SEMA6A: variants seen among roughly 807,000 people sequenced by gnomAD.
SEMA6A encodes semaphorin 6A.
Under a neutral mutation model 96.8 loss-of-function variants are expected in SEMA6A, and 25 were observed. That is an observed-to-expected ratio of 0.26 (90% CI 0.19 to 0.36). The LOEUF (loss-of-function observed/expected upper bound fraction) is 0.36. SEMA6A is among the 10% of genes least tolerant of loss of function. SEMA6A has a pLI of 1.00. For missense variants in SEMA6A, 1,363 were observed against 1,323.1 expected (o/e 1.03, Z -0.47); for synonymous variants, 612 against 518.0 (o/e 1.18, Z -2.46).
At chr5:116,503,045 C>G (rs1440465364) in intron 2 of SEMA6A, among the ~76,000 whole-genome samples, 1 of 152,218 alleles carries the variant, frequency 6.6e-6, no homozygotes, top group Non-Finnish European at 1.5e-5. Context: ...TCCTACACTT[C>G]TCTTTGGCTG....
intron 1 of SEMA6A, among the ~76,000 whole-genome samples, chr5:116,516,613 G>C (rs1196270259): frequency 2.0e-5 from 3 of 152,146 alleles, no homozygotes; most frequent in African/African-American, 7.2e-5. Flanking sequence ...TCCAAAGGCA[G>C]TTTATCAGTT....
intron 1 of SEMA6A, among the ~76,000 whole-genome samples, chr5:116,544,298 T>A (rs1760095418): frequency 6.6e-6 from 1 of 151,912 alleles, no homozygotes; most frequent in South Asian, 2.1e-4. Flanking sequence ...TGTTTGTTTG[T>A]TTGTTTTGGA....
intron 1 of SEMA6A, among the ~76,000 whole-genome samples, chr5:116,532,912 G>A (rs1292132252): frequency 6.6e-6 from 1 of 152,124 alleles, no homozygotes; most frequent in African/African-American, 2.4e-5. Context: ...CATTAACAGG[G>A]ACACAGACAG....
At chr5:116,494,484 G>C (rs1757482165) in intron 6 of SEMA6A, among the ~76,000 whole-genome samples, 1 of 152,148 alleles carries the variant, frequency 6.6e-6, no homozygotes, top group African/African-American at 2.4e-5. Flanking sequence ...TTCCCGATGT[G>C]GGAACAACAG....
intron 11 of SEMA6A, among the ~76,000 whole-genome samples, chr5:116,481,017 G>T (rs1293381875): frequency 6.6e-6 from 1 of 152,128 alleles, no homozygotes; most frequent in Non-Finnish European, 1.5e-5. Context: ...GTTTGCCTGG[G>T]TGGTGCAGAA....
At chr5:116,563,704 C>A (rs1207491439) in intron 1 of SEMA6A, among the ~76,000 whole-genome samples, 1 of 152,196 alleles carries the variant, frequency 6.6e-6, no homozygotes, top group African/African-American at 2.4e-5. Context: ...AGAATGAACT[C>A]AATTCAACAA....
rs138398853 is a variant in SEMA6A at position 116,566,076 on chromosome 5, A to G, written c.-39+8109T>C. Among the ~76,000 whole-genome samples, 23 of 152,358 alleles carry G rather than the reference A, an allele frequency of 1.5e-4. No individual in the cohort carries two copies. The East Asian group carries it at 4.0e-3, about 27-fold the overall frequency. ...CATAGAACATTAAAACATAATTAAT[A>G]CAATCTTTATTTCTTCGTAGTCTCT... On this transcript the variant is annotated intron_variant, in intron 1 of 18. Coordinates refer to ENST00000343348, the MANE Select transcript of SEMA6A (RefSeq NM_020796.5).
At chr5:116,522,047 G>T (rs1321896846) in intron 1 of SEMA6A, among the ~76,000 whole-genome samples, 3 of 152,116 alleles carry the variant, frequency 2.0e-5, no homozygotes, top group African/African-American at 7.2e-5. Flanking sequence ...TGTAAAGGGG[G>T]CTGTTTTTTG....
At position 116,478,713 on chromosome 5, in the gene SEMA6A, C is replaced by T. The variant is rs569977130; in HGVS notation, c.1256G>A (p.Arg419His). ...TGTGTCCACTGCAATTTTGGTAAGGCGGTATCTAAAATGACAGGACCACAT... is the reference window on the plus strand; with the variant it reads ...TGTGTCCACTGCAATTTTGGTAAGGTGGTATCTAAAATGACAGGACCACAT... ...PWFLRTMVRY[R>H]LTKIAVDTAA... The change falls in exon 13 of 19, where the codon CGC becomes CAC. Residue 419 changes from arginine to histidine, a missense_variant. Coordinates refer to ENST00000343348, the MANE Select transcript of SEMA6A (RefSeq NM_020796.5). 19 of 1,611,626 alleles carry T rather than the reference C, an allele frequency of 1.2e-5. No homozygotes were observed. In the African/African-American group the frequency reaches 1.5e-4, roughly 12 times the overall value.
intron 18 of SEMA6A, among the ~76,000 whole-genome samples, chr5:116,456,973 G>A (rs1215710203): frequency 6.6e-6 from 1 of 152,148 alleles, no homozygotes; most frequent in Non-Finnish European, 1.5e-5. Flanking sequence ...TATTCCCGGG[G>A]TGAAAAGAGG....
chr5:116,528,483 G>A (rs1222511609), intron 1 of SEMA6A, among the ~76,000 whole-genome samples: 1 of 152,140 alleles, frequency 6.6e-6, no homozygotes, highest in East Asian at 1.9e-4. Context: ...TGAAACAGAT[G>A]ACTTTGTATG....
intron 18 of SEMA6A, among the ~76,000 whole-genome samples, chr5:116,455,316 T>C (rs192304915): frequency 9.6e-4 from 147 of 152,344 alleles, no homozygotes; most frequent in African/African-American, 3.2e-3. Context: ...CCTGGAATGC[T>C]GGTTTGTGGT....
At chr5:116,457,043 C>G (rs1755057490) in intron 18 of SEMA6A, among the ~76,000 whole-genome samples, 1 of 152,134 alleles carries the variant, frequency 6.6e-6, no homozygotes, top group African/African-American at 2.4e-5. Flanking sequence ...ATAAAAGATG[C>G]CTAGCACAAC....
At chr5:116,560,627 TTCA>T (rs1760786715) in intron 1 of SEMA6A, among the ~76,000 whole-genome samples, 1 of 152,056 alleles carries the variant, frequency 6.6e-6, no homozygotes, top group Admixed American at 6.6e-5. Context: ...GAGTATCTAA[TTCA>T]ACCTTCTGTC....
rs765039177 is a variant in SEMA6A, at chr5:116,502,234, T to C, written c.194A>G (p.Asn65Ser). 3.1e-6 allele frequency: 5 copies of C among 1,613,958 alleles called. No individual in the cohort carries two copies. The Admixed American group carries it at 8.3e-5, about 27-fold the overall frequency. Residue 65 changes from asparagine (N) to serine (S), a missense_variant, in exon 3 of 19, where the codon AAC (asparagine) becomes AGC (serine). This residue lies in a region of SEMA6A where 480 missense variants were observed against 559.5 expected (regional missense o/e 0.86). Transcript: ENST00000343348. The stretch of plus-strand genomic sequence containing the variant: ...CCTAGCAGCAATGTAGAGGGTTCCG[T>C]TCATGATCATAATCATCTGGATGTC... ...RLDIQMIMIMNGTLYIAARDH... is the reference protein window; with the variant it reads ...RLDIQMIMIMSGTLYIAARDH...
At chr5:116,505,915 C>T (rs556448533) in intron 1 of SEMA6A, among the ~76,000 whole-genome samples, 1 of 151,398 alleles carries the variant, frequency 6.6e-6, no homozygotes, top group Admixed American at 6.6e-5. Flanking sequence ...GTAAATATCA[C>T]TTAATTCTCA....
Position 116,475,525 on chromosome 5 carries a change from G to A in SEMA6A, c.1708+20C>T, listed in dbSNP as rs946978495. ...AGCATCTTTGCCCAAAGATAAAAAT[G>A]GATAAAAGACTGTACTTACTGTGAC... On this transcript the variant is annotated intron_variant, in intron 16 of 18. Coordinates refer to ENST00000343348, the MANE Select transcript of SEMA6A (RefSeq NM_020796.5). The A allele has an allele frequency of 2.3e-5, 36 of 1,566,622 alleles. 1 individual carries two copies. The highest frequency in any genetic ancestry group is 5.9e-5 in the South Asian group (5 of 84,964).
chr5:116,467,882 A>AGTG (rs3073761), intron 17 of SEMA6A, 135 bp from the exon 18 acceptor site: 12,390 of 551,050 alleles, frequency 0.022, 1,110 homozygotes, highest in African/African-American at 0.21. Flanking sequence ...GACACGGCTT[A>AGTG]GTGGTGGTGG....
chr5:116,538,329 G>A (rs377289236), intron 1 of SEMA6A, among the ~76,000 whole-genome samples: 46 of 152,194 alleles, frequency 3.0e-4, no homozygotes, highest in African/African-American at 1.0e-3. Context: ...TCCTTTAAAA[G>A]CATTTTGTCT....
Sources: allele counts gnomAD v4.1 joint callset (sites outside exome capture counted in the v4.1 genomes callset), GRCh38; gene constraint gnomAD v4.1.1; regional missense constraint gnomAD v4.1.1; transcripts MANE v1.5; gene names NCBI Gene and HGNC (gene_info 2026-07-23, HGNC 2026-07-21).